EPHA8: variants seen among roughly 807,000 people sequenced by gnomAD.
EPHA8 encodes EPH receptor A8.
Under a neutral mutation model 103.6 loss-of-function variants are expected in EPHA8, and 58 were observed. That is an observed-to-expected ratio of 0.56 (90% CI 0.45 to 0.70). The LOEUF (loss-of-function observed/expected upper bound fraction) is 0.70, where lower values mean the gene tolerates loss of function less well. EPHA8 is among the 30% of genes least tolerant of loss of function. The probability of loss-of-function intolerance (pLI) is 0.00; values close to 1 mark genes in which losing one functional copy is unlikely to be tolerated. For synonymous variants in EPHA8, 559 were observed against 572.5 expected, an observed-to-expected ratio of 0.98 and a Z score of 0.34; for missense variants, 1,304 against 1,395.2, an observed-to-expected ratio of 0.93 and a Z score of 1.04.
chr1:22,570,342 G>A (rs1040797310), intron 2 of EPHA8, among the ~76,000 whole-genome samples: 20 of 116,302 alleles, frequency 1.7e-4, no homozygotes, highest in African/African-American at 8.7e-4. Flanking sequence ...ACATGCACAT[G>A]CGTGGGTACA....
chr1:22,601,513 G>A (rs1013486094), intron 16 of EPHA8, 40 bp downstream of exon 16: 22 of 1,602,924 alleles, frequency 1.4e-5, no homozygotes, highest in South Asian at 5.5e-5. Context: ...GCGTGTGGGG[G>A]CAGGGGGGGG....
rs1235314037 is a variant in EPHA8, at chr1:22,578,189, CAT to C, written c.823+1310_823+1311del. Among the ~76,000 whole-genome samples, 5 of 33,112 alleles carry C rather than the reference CAT, an allele frequency of 1.5e-4. No homozygotes were observed. The South Asian group carries it at 3.1e-3, about 21-fold the overall frequency. 21.7% of individuals were successfully genotyped at this position (33,112 alleles called of 152,430 possible). ...GTGTATGTGTGCATGTGTGTGCGTG[CAT>C]GTGTGTGCGTGCGAGTGTGTGCGTG... On this transcript the variant is annotated intron_variant, in intron 3 of 16. Transcript: ENST00000166244.
chr1:22,587,283 T>C (rs896499229), intron 4 of EPHA8, among the ~76,000 whole-genome samples: 1 of 152,210 alleles, frequency 6.6e-6, no homozygotes, highest in Non-Finnish European at 1.5e-5. Flanking sequence ...TCGTCACATA[T>C]ATTAAGGATT....
At chr1:22,601,212 C>T (rs1641717418) in intron 15 of EPHA8, 88 bp from the exon 16 acceptor site, 2 of 1,533,888 alleles carry the variant, frequency 1.3e-6, no homozygotes, top group East Asian at 2.3e-5. Flanking sequence ...CGGCCCCTGC[C>T]CTGCCGAACC....
chr1:22,577,799 TAA>T (rs1026925535), intron 3 of EPHA8, among the ~76,000 whole-genome samples: 8 of 143,400 alleles, frequency 5.6e-5, no homozygotes, highest in South Asian at 2.4e-4. Context: ...CGTGTGTGCG[TAA>T]GTGTATGTGT....
At chr1:22,593,495 A>G (rs1355758732) in intron 6 of EPHA8, 29 bp from the exon 7 acceptor site, 1 of 1,610,312 alleles carries the variant, frequency 6.2e-7, no homozygotes, top group Admixed American at 1.7e-5. Context: ...CCAGCAGGGC[A>G]GGGCCCACTG....
chr1:22,586,455 T>C (rs770417352), intron 3 of EPHA8, 25 bp from the exon 4 acceptor site: 3 of 1,609,860 alleles, frequency 1.9e-6, no homozygotes, highest in South Asian at 2.2e-5. Flanking sequence ...TGCTGGCTCA[T>C]GTGCAGCCGC....
At chr1:22,575,234 A>T (rs1157784486) in intron 2 of EPHA8, among the ~76,000 whole-genome samples, 2 of 150,168 alleles carry the variant, frequency 1.3e-5, no homozygotes, top group African/African-American at 5.0e-5. Flanking sequence ...TACAGGCGTG[A>T]GCCACCGCAC....
intron 3 of EPHA8, among the ~76,000 whole-genome samples, chr1:22,578,836 T>C (rs1428674388): frequency 1.3e-5 from 2 of 149,316 alleles, no homozygotes; most frequent in East Asian, 2.0e-4. Context: ...TGCCTGTGTG[T>C]ATATGCATGT....
intron 1 of EPHA8, among the ~76,000 whole-genome samples, chr1:22,564,394 G>C (rs953936740): frequency 6.6e-6 from 1 of 151,536 alleles, no homozygotes; most frequent in African/African-American, 2.4e-5. Context: ...CTGGAGGAGA[G>C]GCAGCTTCGT....
chr1:22,595,141 C>T (rs1017803962), intron 7 of EPHA8, 89 bp from the exon 8 acceptor site: 7 of 1,127,364 alleles, frequency 6.2e-6, no homozygotes, highest in African/African-American at 1.5e-5. Flanking sequence ...CCCAGGGTCA[C>T]AGCCAGGCAG....
intron 2 of EPHA8, among the ~76,000 whole-genome samples, chr1:22,570,898 G>A (rs1019718468): frequency 1.3e-5 from 2 of 152,274 alleles, no homozygotes; most frequent in African/African-American, 2.4e-5. Flanking sequence ...CCGCGTGAGC[G>A]TGGTGTGGAA....
At position 22,567,443 on chromosome 1, in the gene EPHA8, C is replaced by T. The variant is rs209750; in HGVS notation, c.95-1846C>T. ...GCGGGAAGCCTTCTCTCTGCCTCTG[C>T]CCCTGGCGTGGGGCCGGCTTGGGGA... is the stretch of plus-strand genomic sequence containing the variant. On this transcript the variant is annotated intron_variant, in intron 1 of 16. Coordinates refer to ENST00000166244, the MANE Select transcript of EPHA8 (RefSeq NM_020526.5). The surrounding 1 kb of genome is among the most constrained non-coding windows in gnomAD (Gnocchi z 4.2). Among the ~76,000 whole-genome samples the T allele has an allele frequency of 2.0e-5, 3 of 151,942 alleles. No individual in the cohort carries two copies. Among genetic ancestry groups the T allele is most frequent in the African/African-American group, 7.3e-5 (3 of 41,334 alleles).
Position 22,601,445 on chromosome 1 carries a change from C to T in EPHA8, c.2875C>T (p.Leu959=), listed in dbSNP as rs747764837. 1.9e-6 allele frequency: 3 copies of T among 1,610,422 alleles called. No individual in the cohort carries two copies. Among genetic ancestry groups the T allele is most frequent in the South Asian group, 2.2e-5 (2 of 91,072 alleles). The change falls in exon 16 of 17, where the codon CTG becomes TTG. Residue 959 remains leucine, a synonymous_variant. Transcript: ENST00000166244. ...CTTCGCTGCGGGCGGATACTCCTCT[C>T]TGGGCATGGTGCTACGCATGAACGC... ...DHFAAGGYSS[L]GMVLRMNAQD...
intron 3 of EPHA8, among the ~76,000 whole-genome samples, chr1:22,578,420 G>T (rs889923934): frequency 1.4e-5 from 2 of 141,618 alleles, no homozygotes; most frequent in Non-Finnish European, 3.1e-5. Flanking sequence ...ATGTCTGCAT[G>T]TGTACGTATG....
rs1557550664 is a variant in EPHA8, at chr1:22,569,850, C to T, written c.159+497C>T. On this transcript the variant is annotated intron_variant, in intron 2 of 16. Coordinates refer to ENST00000166244, the MANE Select transcript of EPHA8 (RefSeq NM_020526.5). The surrounding 1 kb of genome is among the most constrained non-coding windows in gnomAD (Gnocchi z 4.5). ...TGCTCACAGGCCGTGCCCCCATCCT[C>T]CTGGGGAAGGGCTGCAGTGAGCAGG... 6.6e-6 allele frequency among the ~76,000 whole-genome samples: 1 copy of T among 152,194 alleles called. No individual in the cohort carries two copies. Among genetic ancestry groups the T allele is most frequent in the Non-Finnish European group, 1.5e-5 (1 of 68,024 alleles).
rs756668263 is a variant in EPHA8 at position 22,601,358 on chromosome 1, G to A, written c.2788G>A (p.Gly930Ser). The change falls in exon 16 of 17, where the codon GGT becomes AGT. Residue 930 changes from glycine (G) to serine (S), a missense_variant. Physicochemically the swap from Gly to Ser is moderately conservative, Grantham distance 56 (BLOSUM62 0). Transcript: ENST00000166244. ...CFDLRGGSGG[G>S]GGLTVGDWLD... is the part of the protein sequence containing the mutation. ...TGACCTCCGAGGGGGCAGCGGTGGC[G>A]GTGGGGGCCTCACCGTGGGGGACTG... is the stretch of plus-strand genomic sequence containing the variant. 2.9e-5 allele frequency: 46 copies of A among 1,608,900 alleles called. No individual in the cohort carries two copies. Among genetic ancestry groups the A allele is most frequent in the Middle Eastern group, 1.7e-4 (1 of 6,040 alleles).
In EPHA8 at chr1:22,601,368, T is replaced by A; in HGVS notation, c.2798T>A (p.Leu933His). The change falls in exon 16 of 17, where the codon CTC (leucine) becomes CAC (histidine). Residue 933 changes from leucine (L) to histidine (H), a missense_variant. By Grantham distance (99) the Leu-to-His change is moderately conservative. Coordinates refer to ENST00000166244, the MANE Select transcript of EPHA8 (RefSeq NM_020526.5). ...LRGGSGGGGG[L>H]TVGDWLDSIR... The stretch of plus-strand genomic sequence containing the variant: ...GGGGGCAGCGGTGGCGGTGGGGGCC[T>A]CACCGTGGGGGACTGGCTGGACTCC... 6.2e-7 allele frequency: 1 copy of A among 1,609,434 alleles called. No individual in the cohort carries two copies. Among genetic ancestry groups the A allele is most frequent in the Non-Finnish European group, 8.5e-7 (1 of 1,179,030 alleles).
At chr1:22,591,395 T>A (rs2148256686) in intron 5 of EPHA8, among the ~76,000 whole-genome samples, 1 of 150,786 alleles carries the variant, frequency 6.6e-6, no homozygotes, top group East Asian at 2.0e-4. Flanking sequence ...GTGATTTTTT[T>A]TTTTTTGTAG....
Sources: gnomAD v4.1 joint callset for allele counts (sites outside exome capture counted in the v4.1 genomes callset) on GRCh38, gnomAD v4.1.1 for gene constraint, Gnocchi (gnomAD v3.1) non-coding constraint, MANE v1.5 for transcripts, NCBI Gene and HGNC (gene_info 2026-07-23, HGNC 2026-07-21) for gene names.